PTPRG: variants seen among roughly 807,000 people sequenced by gnomAD.
The protein encoded by PTPRG is receptor-type tyrosine-protein phosphatase gamma.
A neutral mutation model predicts 165.3 loss-of-function variants in PTPRG; 102 were observed. That is an observed-to-expected ratio of 0.62 (90% CI 0.53 to 0.73). The LOEUF (loss-of-function observed/expected upper bound fraction) is 0.73, where lower values mean the gene tolerates loss of function less well. Among genes scored for constraint, PTPRG ranks in the 30% least tolerant of loss-of-function variants. The pLI, the probability that PTPRG is intolerant of heterozygous loss-of-function variation, is 0.00. For missense variants in PTPRG, 1,866 were observed against 1,861.4 expected, an observed-to-expected ratio of 1.00 and a Z score of -0.05; for synonymous variants, 675 against 669.5, an observed-to-expected ratio of 1.01 and a Z score of -0.13.
Position 62,262,905 on chromosome 3 carries a change from A to C in PTPRG, c.2656+11A>C. The C allele has an allele frequency of 1.9e-6, 3 of 1,583,676 alleles. No homozygotes were observed. The highest frequency in any genetic ancestry group is 1.7e-4 in the Middle Eastern group (1 of 6,016). ...TCAACATTTTAGCATGTGAGTAATA[A>C]GCTTTAAACTACCTTCAACTGCGAG... On this transcript the variant is annotated intron_variant, in intron 17 of 29. Coordinates refer to ENST00000474889, the MANE Select transcript of PTPRG (RefSeq NM_002841.4).
chr3:62,068,635 C>G (rs1003282205), intron 4 of PTPRG, among the ~76,000 whole-genome samples: 1 of 152,084 alleles, frequency 6.6e-6, no homozygotes, highest in African/African-American at 2.4e-5. Context: ...GCTATCATGC[C>G]CAGCTAGTGT....
chr3:62,292,863 CATTAACCAGAT>C (rs773519990), intron 29 of PTPRG: 27 of 474,428 alleles, frequency 5.7e-5, no homozygotes, highest in Middle Eastern at 1.1e-3. Context: ...TGGTTATCTT[CATTAACCAGAT>C]ATTAACCAGA....
intron 2 of PTPRG, among the ~76,000 whole-genome samples, chr3:61,887,588 T>G (rs776393806): frequency 6.6e-6 from 1 of 152,194 alleles, no homozygotes; most frequent in Non-Finnish European, 1.5e-5. Context: ...TGTGAGCTGC[T>G]ATTTAACCTT....
At chr3:61,736,993 T>A (rs142767526) in intron 1 of PTPRG, among the ~76,000 whole-genome samples, 1 of 152,288 alleles carries the variant, frequency 6.6e-6, no homozygotes, top group Non-Finnish European at 1.5e-5. Context: ...GGATCCTGAC[T>A]TGGTGCATCT....
chr3:61,706,586 G>A (rs1054463200), intron 1 of PTPRG, among the ~76,000 whole-genome samples: 3 of 150,806 alleles, frequency 2.0e-5, no homozygotes, highest in Non-Finnish European at 4.4e-5. Context: ...CTCCGCCTCC[G>A]GGGTTCAAGC....
chr3:61,803,156 C>G (rs2035299285), intron 2 of PTPRG, among the ~76,000 whole-genome samples: 1 of 152,150 alleles, frequency 6.6e-6, no homozygotes. Context: ...GAGTAGAAAT[C>G]TGTGAGCCAT....
Position 62,219,031 on chromosome 3 carries a change from C to A in PTPRG, c.2288+48C>A, listed in dbSNP as rs879458768. The A allele has an allele frequency of 1.2e-6, 2 of 1,603,342 alleles. No homozygotes were observed. Among genetic ancestry groups the A allele is most frequent in the Admixed American group, 3.4e-5 (2 of 58,914 alleles). ...CGTAGATTTGGGGGCCAGATGCTGG[C>A]CAGGTTTTGCTCACGGGAGGGGAAT... On this transcript the variant is annotated intron_variant, in intron 13 of 29. Transcript: ENST00000474889. This position sits in a 1 kb window ranked among gnomAD's most constrained non-coding sequence, Gnocchi z 4.5.
intron 5 of PTPRG, 25 bp from the exon 6 acceptor site, chr3:62,132,577 C>A (rs1005094198): frequency 2.2e-5 from 34 of 1,553,206 alleles, no homozygotes; most frequent in Non-Finnish European, 2.9e-5. Flanking sequence ...ATAGATTTAA[C>A]CAATCATGTT....
chr3:61,972,826 A>AT (rs35221319), intron 2 of PTPRG, among the ~76,000 whole-genome samples: 150 of 144,528 alleles, frequency 1.0e-3, no homozygotes, highest in Middle Eastern at 3.5e-3. Context: ...CTAATTTTTA[A>AT]TTTTTTTTTT....
At chr3:61,949,237 C>A (rs1023786102) in intron 2 of PTPRG, among the ~76,000 whole-genome samples, 1 of 151,780 alleles carries the variant, frequency 6.6e-6, no homozygotes, top group African/African-American at 2.4e-5. Flanking sequence ...TATTTATAAC[C>A]GAAGGAAAAT....
At chr3:61,831,040 G>A (rs185945116) in intron 2 of PTPRG, among the ~76,000 whole-genome samples, 1 of 152,248 alleles carries the variant, frequency 6.6e-6, no homozygotes, top group East Asian at 1.9e-4. Context: ...AGCTTGTACT[G>A]TCTGATATTC....
At chr3:61,905,460 T>G (rs1305093726) in intron 2 of PTPRG, among the ~76,000 whole-genome samples, 1 of 152,218 alleles carries the variant, frequency 6.6e-6, no homozygotes, top group African/African-American at 2.4e-5. Flanking sequence ...CAGGATTCTT[T>G]GTCTTTCAAA....
At chr3:61,857,021 T>G (rs1370027767) in intron 2 of PTPRG, among the ~76,000 whole-genome samples, 1 of 152,198 alleles carries the variant, frequency 6.6e-6, no homozygotes, top group Non-Finnish European at 1.5e-5. Flanking sequence ...AAAATGCCCT[T>G]TATGTGGGCT....
chr3:61,774,295 C>T (rs958971163), intron 2 of PTPRG, among the ~76,000 whole-genome samples: 1 of 152,160 alleles, frequency 6.6e-6, no homozygotes, highest in Admixed American at 6.5e-5. Context: ...GAATGTGTGC[C>T]TGGGACCAGG....
At position 61,595,292 on chromosome 3, in the gene PTPRG, T is replaced by C. The variant is rs1040700971; in HGVS notation, c.85+32920T>C. On this transcript the variant is annotated intron_variant, in intron 1 of 29. Transcript: ENST00000474889. ...GTGCTAGTACATATTAACGTTGTAC[T>C]TCCTTTGCAGAAGGGGAAAAAATCT... is the stretch of plus-strand genomic sequence containing the variant. Among the ~76,000 whole-genome samples, 12 of 98,656 alleles carry C rather than the reference T, an allele frequency of 1.2e-4. No homozygotes were observed. In the Admixed American group the frequency reaches 1.3e-3, roughly 11 times the overall value. 64.7% of individuals were successfully genotyped at this position (98,656 alleles called of 152,430 possible).
intron 2 of PTPRG, among the ~76,000 whole-genome samples, chr3:61,970,568 C>T (rs1038579605): frequency 2.6e-5 from 4 of 151,968 alleles, no homozygotes; most frequent in Admixed American, 1.3e-4. Context: ...TATAAATATG[C>T]AAGGGGAAGA....
rs188240370 is a variant in PTPRG, at chr3:61,562,065, G to A, written c.-223G>A. ...GCAGCCTTTCTCCGCCGAGAGGATC[G>A]TCCCCAGCGTGGCTCTGCGTTCCCG... On this transcript the variant is annotated 5_prime_UTR_variant, in exon 1 of 30. Transcript: ENST00000474889. 2.3e-3 allele frequency: 1,264 copies of A among 555,484 alleles called. 8 individuals carry two copies. Among genetic ancestry groups the A allele is most frequent in the East Asian group, 0.013 (441 of 33,734 alleles). The allele number at this position is 555,484 out of a possible 1,614,324, so 34.4% of individuals were successfully genotyped here. A position where few individuals can be genotyped will look rare whatever the true frequency, so the allele number is the denominator to read the frequency against.
intron 2 of PTPRG, among the ~76,000 whole-genome samples, chr3:61,900,796 TA>T (rs1053830536): frequency 6.1e-4 from 90 of 148,022 alleles, no homozygotes; most frequent in African/African-American, 1.4e-3. Flanking sequence ...GTACTGTAGT[TA>T]AAAAAAAAAA....
intron 4 of PTPRG, among the ~76,000 whole-genome samples, chr3:62,026,034 G>A (rs1052828505): frequency 6.6e-6 from 1 of 152,116 alleles, no homozygotes; most frequent in African/African-American, 2.4e-5. Context: ...ATGATTTTGC[G>A]ACCTAGGCAT....
Sources: gnomAD v4.1 joint callset for allele counts (sites outside exome capture counted in the v4.1 genomes callset) on GRCh38, gnomAD v4.1.1 for gene constraint, Gnocchi (gnomAD v3.1) non-coding constraint, MANE v1.5 for transcripts, NCBI Gene and HGNC (gene_info 2026-07-23, HGNC 2026-07-21) for gene names.